MBOAT1: variants seen among roughly 807,000 people sequenced by gnomAD.
MBOAT1 encodes membrane-bound glycerophospholipid O-acyltransferase 1.
MBOAT1 carries 67 observed loss-of-function variants against 64.4 expected under a neutral mutation model. The ratio of observed to expected loss-of-function variants is 1.04; its 90% CI spans 0.85 to 1.27. The LOEUF (loss-of-function observed/expected upper bound fraction) is 1.27, where lower values mean the gene tolerates loss of function less well. MBOAT1 is among the 50% of genes most tolerant of loss of function. The probability of loss-of-function intolerance (pLI) is 0.00; values close to 1 mark genes in which losing one functional copy is unlikely to be tolerated. For missense variants in MBOAT1, 563 were observed against 604.6 expected (o/e 0.93, Z 0.72); for synonymous variants, 229 against 218.9 (o/e 1.05, Z -0.41).
At chr6:20,114,821 T>C (rs1430665257) in intron 10 of MBOAT1, among the ~76,000 whole-genome samples, 1 of 151,442 alleles carries the variant, frequency 6.6e-6, no homozygotes. Context: ...GAGGCAGAGG[T>C]TGCAATGAGC....
chr6:20,128,549 A>G, intron 6 of MBOAT1, 150 bp downstream of exon 6: 1 of 576,254 alleles, frequency 1.7e-6, no homozygotes, highest in East Asian at 3.2e-5. Flanking sequence ...AAGACTGGTA[A>G]CAATGCACAT....
At chr6:20,185,203 T>C (rs1310626643) in intron 1 of MBOAT1, among the ~76,000 whole-genome samples, 1 of 151,988 alleles carries the variant, frequency 6.6e-6, no homozygotes, top group Non-Finnish European at 1.5e-5. Flanking sequence ...TGAGCTATGA[T>C]CACACCACTG....
At chr6:20,195,557 G>A (rs554829267) in intron 1 of MBOAT1, among the ~76,000 whole-genome samples, 51 of 152,136 alleles carry the variant, frequency 3.4e-4, no homozygotes, top group African/African-American at 1.2e-3. Flanking sequence ...CGTTGCTAAT[G>A]GAGTGTCACT....
At chr6:20,143,735 C>T (rs1043152790) in intron 4 of MBOAT1, among the ~76,000 whole-genome samples, 3 of 152,090 alleles carry the variant, frequency 2.0e-5, no homozygotes, top group African/African-American at 7.2e-5. Flanking sequence ...CAAACCTGCA[C>T]ATGTACCCCT....
chr6:20,152,587 A>T (rs377005932), intron 2 of MBOAT1, 37 bp downstream of exon 2: 23 of 1,574,598 alleles, frequency 1.5e-5, no homozygotes, highest in Non-Finnish European at 1.9e-5. Context: ...AAAACATCCA[A>T]ATGACCAATA....
At chr6:20,210,591 C>CTCCT in intron 1 of MBOAT1, among the ~76,000 whole-genome samples, 1 of 150,110 alleles carries the variant, frequency 6.7e-6, no homozygotes, top group Non-Finnish European at 1.5e-5. Context: ...CCCTCCCTCC[C>CTCCT]TCCCTCCCTC....
At chr6:20,109,133 C>A (rs959536718) in intron 12 of MBOAT1, among the ~76,000 whole-genome samples, 1 of 152,138 alleles carries the variant, frequency 6.6e-6, no homozygotes, top group Non-Finnish European at 1.5e-5. Context: ...AACATAAATC[C>A]CCCATCAGCC....
At chr6:20,149,699 T>A (rs1761433049) in intron 3 of MBOAT1, among the ~76,000 whole-genome samples, 1 of 152,172 alleles carries the variant, frequency 6.6e-6, no homozygotes. Flanking sequence ...CTCCTTTGGA[T>A]TCTATGTTGA....
intron 6 of MBOAT1, among the ~76,000 whole-genome samples, chr6:20,127,026 C>A (rs1203860159): frequency 6.6e-6 from 1 of 152,118 alleles, no homozygotes; most frequent in African/African-American, 2.4e-5. Context: ...CAGGACAAAA[C>A]GAAGGTAATA....
At chr6:20,188,191 T>C (rs1209262835) in intron 1 of MBOAT1, among the ~76,000 whole-genome samples, 3 of 152,146 alleles carry the variant, frequency 2.0e-5, no homozygotes, top group Non-Finnish European at 4.4e-5. Context: ...AATAACACAA[T>C]GCATACACAC....
At chr6:20,169,177 G>T (rs1247108900) in intron 1 of MBOAT1, among the ~76,000 whole-genome samples, 2 of 152,168 alleles carry the variant, frequency 1.3e-5, no homozygotes, top group Non-Finnish European at 2.9e-5. Flanking sequence ...GCTGCCATGA[G>T]TAAGATCTCT....
chr6:20,123,930 C>T (rs567589579), intron 8 of MBOAT1, among the ~76,000 whole-genome samples: 18 of 152,144 alleles, frequency 1.2e-4, no homozygotes, highest in South Asian at 2.1e-4. Context: ...TGGTGGCGGA[C>T]GCCTGTAGTC....
chr6:20,147,414 C>G (rs112294000), intron 3 of MBOAT1, among the ~76,000 whole-genome samples: 14,922 of 152,208 alleles, frequency 0.098, 2,362 homozygotes, highest in African/African-American at 0.33. Flanking sequence ...CCAAGGCGGG[C>G]GGATCACCTG....
At chr6:20,141,863 G>A (rs59959720) in intron 4 of MBOAT1, among the ~76,000 whole-genome samples, 4,252 of 152,152 alleles carry the variant, frequency 0.028, 187 homozygotes, top group African/African-American at 0.097. Flanking sequence ...GAGAGGACCT[G>A]GTGACACAAG....
chr6:20,137,318 G>A (rs1761026720), intron 4 of MBOAT1, among the ~76,000 whole-genome samples: 1 of 152,078 alleles, frequency 6.6e-6, no homozygotes, highest in Non-Finnish European at 1.5e-5. Flanking sequence ...GGCCTACCAT[G>A]GCAAAAGGAA....
At chr6:20,166,753 G>C (rs865806) in intron 1 of MBOAT1, among the ~76,000 whole-genome samples, 146,477 of 152,108 alleles carry the variant, frequency 0.96, 70,766 homozygotes, top group East Asian at 1. Context: ...GCCTGGGCAA[G>C]AGAGTAAGAC....
chr6:20,132,827 G>A lies in MBOAT1; in HGVS notation c.420-1628C>T, dbSNP rs150733002. Among the ~76,000 whole-genome samples, 334 of 152,224 alleles carry A rather than the reference G, an allele frequency of 2.2e-3. 7 individuals are homozygous for A. Among genetic ancestry groups the A allele is most frequent in the Admixed American group, 0.016 (246 of 15,300 alleles). ...TATTTGCAAACCATATATCTGATAC[G>A]GGACTTTACTAGTCTATATAAAAAC... On this transcript the variant is annotated intron_variant, in intron 4 of 12. Transcript: ENST00000324607.
intron 1 of MBOAT1, among the ~76,000 whole-genome samples, chr6:20,177,696 C>T (rs1228473277): frequency 6.6e-6 from 1 of 150,718 alleles, no homozygotes; most frequent in Admixed American, 6.6e-5. Flanking sequence ...ACGGCGTGAA[C>T]CTGGGAGGCA....
chr6:20,193,711 A>T (rs1156453440), intron 1 of MBOAT1, among the ~76,000 whole-genome samples: 1 of 149,274 alleles, frequency 6.7e-6, no homozygotes, highest in African/African-American at 2.5e-5. Context: ...AGTTCAAGAG[A>T]TTCTCCTCCC....
Sources: allele counts gnomAD v4.1 joint callset (sites outside exome capture counted in the v4.1 genomes callset), GRCh38; gene constraint gnomAD v4.1.1; transcripts MANE v1.5; gene names NCBI Gene and HGNC (gene_info 2026-07-23, HGNC 2026-07-21).